The following DNAH9 variants were observed in gnomAD, a reference collection of about 807,000 sequenced individuals.
The protein encoded by DNAH9 is dynein axonemal heavy chain 9.
In DNAH9, 345 loss-of-function variants were observed where a neutral mutation model predicts 471.6. The ratio of observed to expected loss-of-function variants is 0.73; its 90% CI spans 0.67 to 0.80. The LOEUF (loss-of-function observed/expected upper bound fraction) is 0.80. Among genes scored for constraint, DNAH9 ranks in the 30% least tolerant of loss-of-function variants. The pLI is 0.00. For synonymous variants in DNAH9, 2,093 were observed against 2,123.6 expected (o/e 0.99, Z 0.40); for missense variants, 5,407 against 5,609.2 (o/e 0.96, Z 1.15).
At chr17:11,828,488 T>C (rs867590177) in intron 48 of DNAH9, among the ~76,000 whole-genome samples, 8 of 87,282 alleles carry the variant, frequency 9.2e-5, no homozygotes, top group Non-Finnish European at 1.5e-4. Context: ...AAAAAAAAAA[T>C]AGTGCCCGAA....
intron 43 of DNAH9, among the ~76,000 whole-genome samples, chr17:11,803,202 A>G (rs1969532299): frequency 6.6e-6 from 1 of 152,072 alleles, no homozygotes; most frequent in African/African-American, 2.4e-5. Flanking sequence ...CAAGCTTTAA[A>G]CCAGATCTTT....
Position 11,932,009 on chromosome 17 carries a change from T to C in DNAH9, c.12106-5T>C. The C allele has an allele frequency of 6.2e-7, 1 of 1,613,888 alleles. No homozygotes were observed. Among genetic ancestry groups the C allele is most frequent in the Non-Finnish European group, 8.5e-7 (1 of 1,179,880 alleles). On this transcript the variant is annotated splice_region_variant and splice_polypyrimidine_tract_variant and intron_variant, in intron 63 of 68. Coordinates refer to ENST00000262442, the MANE Select transcript of DNAH9 (RefSeq NM_001372.4). This position sits in a 1 kb window ranked among gnomAD's most constrained non-coding sequence, Gnocchi z 4.3. ...CGAACCTTAAAAGCGACACTCTCAT[T>C]TCAGGACACTCTGGAGATGTGTTCT...
chr17:11,609,218 C>A (rs954038382), intron 2 of DNAH9, among the ~76,000 whole-genome samples: 4 of 152,072 alleles, frequency 2.6e-5, no homozygotes, highest in Non-Finnish European at 5.9e-5. Flanking sequence ...GCGTGCAATG[C>A]ATTATAAAAT....
intron 28 of DNAH9, among the ~76,000 whole-genome samples, chr17:11,737,887 C>T (rs1335761064): frequency 6.6e-6 from 1 of 152,164 alleles, no homozygotes; most frequent in Non-Finnish European, 1.5e-5. Context: ...AAGACAGGGA[C>T]CACAGTTGCG....
intron 45 of DNAH9, among the ~76,000 whole-genome samples, chr17:11,810,667 G>A (rs1289344607): frequency 6.6e-6 from 1 of 152,222 alleles, no homozygotes; most frequent in Non-Finnish European, 1.5e-5. Flanking sequence ...GTGCTGTGGA[G>A]AGAAGGTGCT....
At chr17:11,646,743 A>G (rs1597429348) in intron 11 of DNAH9, among the ~76,000 whole-genome samples, 2 of 152,078 alleles carry the variant, frequency 1.3e-5, no homozygotes, top group Non-Finnish European at 2.9e-5. Context: ...GAGAAACCCC[A>G]TTTCTATTAA....
chr17:11,781,723 T>C (rs1968672318), intron 39 of DNAH9, among the ~76,000 whole-genome samples: 1 of 151,346 alleles, frequency 6.6e-6, no homozygotes, highest in Non-Finnish European at 1.5e-5. Flanking sequence ...TCCCAGCTAC[T>C]CGGGAGGCTG....
At chr17:11,652,208 G>T (rs575687591) in intron 13 of DNAH9, among the ~76,000 whole-genome samples, 5 of 149,776 alleles carry the variant, frequency 3.3e-5, no homozygotes, top group African/African-American at 1.2e-4. Flanking sequence ...AGCTGTACCA[G>T]CTTTTGTGTG....
At chr17:11,743,610 G>A (rs1458690483) in intron 30 of DNAH9, among the ~76,000 whole-genome samples, 1 of 152,122 alleles carries the variant, frequency 6.6e-6, no homozygotes, top group Non-Finnish European at 1.5e-5. Flanking sequence ...CATCTCCATT[G>A]ATCTTTTCTG....
At chr17:11,606,236 A>G (rs906686708) in intron 1 of DNAH9, among the ~76,000 whole-genome samples, 2 of 152,006 alleles carry the variant, frequency 1.3e-5, no homozygotes, top group Non-Finnish European at 2.9e-5. Flanking sequence ...CAGGTATTCT[A>G]TTTCACGGCC....
In DNAH9 at chr17:11,696,835, C is replaced by T. The variant is rs1402125516; in HGVS notation, c.4872+2388C>T. On this transcript the variant is annotated intron_variant, in intron 22 of 68. Coordinates refer to ENST00000262442, the MANE Select transcript of DNAH9 (RefSeq NM_001372.4). Reference sequence around the variant, plus strand: ...TTTTATTCATTCTGTGTTCAGATCACTGCCAGATTTTTTTATATCTCATTC... The same window carrying T: ...TTTTATTCATTCTGTGTTCAGATCATTGCCAGATTTTTTTATATCTCATTC... Among the ~76,000 whole-genome samples the T allele has an allele frequency of 3.3e-5, 5 of 152,212 alleles. No homozygotes were observed. The East Asian group carries it at 9.6e-4, about 29-fold the overall frequency.
At chr17:11,662,481 C>A (rs1256586348) in intron 14 of DNAH9, among the ~76,000 whole-genome samples, 1 of 151,970 alleles carries the variant, frequency 6.6e-6, no homozygotes, top group Non-Finnish European at 1.5e-5. Context: ...AATAGGCTTT[C>A]TGGGATTAGA....
intron 2 of DNAH9, among the ~76,000 whole-genome samples, chr17:11,608,747 G>A (rs2072563295): frequency 6.6e-6 from 1 of 152,140 alleles, no homozygotes; most frequent in Non-Finnish European, 1.5e-5. Flanking sequence ...TCTTGTTACA[G>A]TTCCAGACTC....
chr17:11,633,564 A>G (rs572671288), intron 8 of DNAH9, among the ~76,000 whole-genome samples: 231 of 152,352 alleles, frequency 1.5e-3, no homozygotes, highest in Non-Finnish European at 2.5e-3. Flanking sequence ...GCCATTGACC[A>G]TACATATACA....
intron 1 of DNAH9, among the ~76,000 whole-genome samples, chr17:11,607,567 T>C (rs1043371512): frequency 1.3e-5 from 2 of 152,032 alleles, no homozygotes; most frequent in African/African-American, 4.8e-5. Flanking sequence ...GTTTTTTGTT[T>C]TTTCTTTTTA....
At chr17:11,690,499 C>A in intron 20 of DNAH9, 63 bp downstream of exon 20, 3 of 1,470,864 alleles carry the variant, frequency 2.0e-6, no homozygotes, top group Non-Finnish European at 2.8e-6. Flanking sequence ...GAAGGTCACC[C>A]AGTTCCTGCA....
intron 10 of DNAH9, among the ~76,000 whole-genome samples, chr17:11,643,138 G>C (rs886700725): frequency 7.2e-5 from 11 of 152,198 alleles, no homozygotes; most frequent in Non-Finnish European, 1.6e-4. Flanking sequence ...TTCCAGGACT[G>C]GACTTTCATT....
intron 61 of DNAH9, among the ~76,000 whole-genome samples, chr17:11,922,068 A>G (rs1008465128): frequency 1.3e-5 from 2 of 152,212 alleles, no homozygotes; most frequent in African/African-American, 4.8e-5. Context: ...TGTTTTGCCA[A>G]CTAAGATTTA....
At chr17:11,699,018 A>AG (rs938365512) in intron 22 of DNAH9, among the ~76,000 whole-genome samples, 6 of 152,130 alleles carry the variant, frequency 3.9e-5, no homozygotes, top group African/African-American at 1.4e-4. Context: ...TGGGAGGCCA[A>AG]GGGGGGCGGA....
Sources: allele counts gnomAD v4.1 joint callset (sites outside exome capture counted in the v4.1 genomes callset), GRCh38; gene constraint gnomAD v4.1.1; non-coding constraint Gnocchi (gnomAD v3.1); transcripts MANE v1.5; gene names NCBI Gene and HGNC (gene_info 2026-07-23, HGNC 2026-07-21).